PARD3: variants seen among roughly 807,000 people sequenced by gnomAD.
The protein encoded by PARD3 is par-3 family cell polarity regulator.
Under a neutral mutation model 155.4 loss-of-function variants are expected in PARD3, and 75 were observed. The ratio of observed to expected loss-of-function variants is 0.48; its 90% CI spans 0.40 to 0.58. The LOEUF (loss-of-function observed/expected upper bound fraction) is 0.58. Among genes scored for constraint, PARD3 ranks in the 20% least tolerant of loss-of-function variants. The pLI, the probability that PARD3 is intolerant of heterozygous loss-of-function variation, is 0.00. For synonymous variants in PARD3, 576 were observed against 610.5 expected (o/e 0.94, Z 0.83); for missense variants, 1,642 against 1,721.7 (o/e 0.95, Z 0.82).
intron 22 of PARD3, among the ~76,000 whole-genome samples, chr10:34,150,517 G>A (rs999549973): frequency 6.6e-6 from 1 of 152,156 alleles, no homozygotes; most frequent in Non-Finnish European, 1.5e-5. Flanking sequence ...AAAGAAGCCT[G>A]GCTTGCTCAT....
chr10:34,781,718 G>T (rs1272360580), intron 1 of PARD3, among the ~76,000 whole-genome samples: 2 of 152,210 alleles, frequency 1.3e-5, no homozygotes, highest in African/African-American at 4.8e-5. Context: ...GTTTCCAACT[G>T]TAACATGCTC....
intron 1 of PARD3, among the ~76,000 whole-genome samples, chr10:34,735,573 C>G (rs1367188649): frequency 6.6e-6 from 1 of 152,192 alleles, no homozygotes; most frequent in Non-Finnish European, 1.5e-5. Context: ...AGCATTCCAT[C>G]TCCTGGGCTT....
intron 20 of PARD3, among the ~76,000 whole-genome samples, chr10:34,294,829 T>C (rs1956832968): frequency 6.6e-6 from 1 of 152,082 alleles, no homozygotes; most frequent in South Asian, 2.1e-4. Context: ...ACAATGCCCT[T>C]TTGAAGAAAA....
At chr10:34,529,466 A>C (rs532830695) in intron 2 of PARD3, among the ~76,000 whole-genome samples, 2 of 152,320 alleles carry the variant, frequency 1.3e-5, no homozygotes, top group South Asian at 4.1e-4. Context: ...ACACATGTGC[A>C]TTATCACCCC....
rs774055746 is a variant in PARD3, at chr10:34,399,339, C to T, written c.881G>A (p.Arg294Gln). Residue 294 changes from arginine to glutamine, a missense_variant, in exon 7 of 25, where the codon CGA becomes CAA. Physicochemically the swap from Arg to Gln is conservative, Grantham distance 43 (BLOSUM62 1). Coordinates refer to ENST00000374788, the MANE Select transcript of PARD3 (RefSeq NM_001184785.2). The part of the protein sequence containing the change: ...LGIHVVPFSA[R>Q]GGRTLGLLVK... ...CTCCAAGATACGTTACCTGCCGCCTCGAGCACTGAAAGGCACTACGTGGAT... is the reference window on the plus strand; with the variant it reads ...CTCCAAGATACGTTACCTGCCGCCTTGAGCACTGAAAGGCACTACGTGGAT... The T allele has an allele frequency of 1.2e-5, 19 of 1,603,684 alleles. No individual in the cohort carries two copies. The East Asian group carries it at 2.0e-4, about 17-fold the overall frequency.
chr10:34,707,096 A>G (rs879508158), intron 1 of PARD3, among the ~76,000 whole-genome samples: 5 of 151,964 alleles, frequency 3.3e-5, no homozygotes, highest in Non-Finnish European at 7.4e-5. Context: ...AAATACAAAA[A>G]TTAGCCAGGT....
chr10:34,552,322 A>G (rs2084646585), intron 2 of PARD3, among the ~76,000 whole-genome samples: 1 of 152,232 alleles, frequency 6.6e-6, no homozygotes. Flanking sequence ...GGCTGGAGTT[A>G]AACTATGGCC....
intron 9 of PARD3, 62 bp from the exon 10 acceptor site, chr10:34,378,168 T>G (rs1407479089): frequency 7.2e-6 from 9 of 1,242,834 alleles, no homozygotes; most frequent in Non-Finnish European, 1.0e-5. Flanking sequence ...TACAGGTGTA[T>G]TGCACCAGTA....
intron 2 of PARD3, among the ~76,000 whole-genome samples, chr10:34,583,673 CA>C (rs1475371959): frequency 6.6e-6 from 1 of 152,018 alleles, no homozygotes; most frequent in African/African-American, 2.4e-5. Context: ...CCTTATCTTC[CA>C]GAGGTTACTG....
At chr10:34,601,274 A>G (rs1195926169) in intron 2 of PARD3, among the ~76,000 whole-genome samples, 1 of 151,452 alleles carries the variant, frequency 6.6e-6, no homozygotes, top group Non-Finnish European at 1.5e-5. Flanking sequence ...CAAAGAAAAA[A>G]AAAAAAAAAA....
chr10:34,212,380 TCTAGCCCGACCCCTGACAGCAATGTCTG>T (rs1951794851), intron 22 of PARD3, among the ~76,000 whole-genome samples: 1 of 152,338 alleles, frequency 6.6e-6, no homozygotes, highest in African/African-American at 2.4e-5. Flanking sequence ...TTCTCATCTT[TCTAGCCCGACCCCTGACAGCAATGTCTG>T]CTAGCTCAAA....
intron 1 of PARD3, among the ~76,000 whole-genome samples, chr10:34,767,928 A>G (rs1245959500): frequency 6.6e-6 from 1 of 152,130 alleles, no homozygotes; most frequent in African/African-American, 2.4e-5. Context: ...TCTCAAAAAA[A>G]AAAGAGATTT....
chr10:34,287,028 G>A (rs1017675589), intron 20 of PARD3, among the ~76,000 whole-genome samples: 1 of 152,122 alleles, frequency 6.6e-6, no homozygotes, highest in Non-Finnish European at 1.5e-5. Flanking sequence ...GATATACAGG[G>A]CCAGGGAAGG....
At chr10:34,665,665 C>CTACTAAATA in intron 2 of PARD3, among the ~76,000 whole-genome samples, 1 of 152,132 alleles carries the variant, frequency 6.6e-6, no homozygotes, top group African/African-American at 2.4e-5. Flanking sequence ...TGGTGAAACC[C>CTACTAAATA]CACCTCTACT....
At chr10:34,551,146 A>G (rs1193126055) in intron 2 of PARD3, among the ~76,000 whole-genome samples, 1 of 152,188 alleles carries the variant, frequency 6.6e-6, no homozygotes, top group Non-Finnish European at 1.5e-5. Flanking sequence ...TTGCTTGGCT[A>G]TGCATAGTTG....
rs191937732 is a variant in PARD3 at position 34,171,308 on chromosome 10, T to G, written c.3420-39725A>C. Among the ~76,000 whole-genome samples, 179 of 152,318 alleles carry G rather than the reference T, an allele frequency of 1.2e-3. 1 individual carries two copies. The highest frequency in any genetic ancestry group is 4.2e-3 in the African/African-American group (174 of 41,578). ...GATAATCGAGGTTGCCTTTTTCAGTTCATCACACATAGAGAGAGGCTTTTG... is the reference window on the plus strand; with the variant it reads ...GATAATCGAGGTTGCCTTTTTCAGTGCATCACACATAGAGAGAGGCTTTTG... On this transcript the variant is annotated intron_variant, in intron 22 of 24. Coordinates refer to ENST00000374788, the MANE Select transcript of PARD3 (RefSeq NM_001184785.2).
At chr10:34,187,202 C>G (rs1040259441) in intron 22 of PARD3, among the ~76,000 whole-genome samples, 1 of 152,146 alleles carries the variant, frequency 6.6e-6, no homozygotes, top group Non-Finnish European at 1.5e-5. Flanking sequence ...AATGCCTTCA[C>G]GTTTTACCAT....
chr10:34,412,164 T>A (rs1034061509), intron 5 of PARD3, among the ~76,000 whole-genome samples: 1 of 152,050 alleles, frequency 6.6e-6, no homozygotes, highest in East Asian at 1.9e-4. Context: ...GGTCTCAGTA[T>A]GCTGCCCATT....
intron 3 of PARD3, among the ~76,000 whole-genome samples, chr10:34,504,234 G>A (rs981632798): frequency 1.3e-5 from 2 of 151,766 alleles, no homozygotes; most frequent in African/African-American, 4.8e-5. Flanking sequence ...GTTCAAACGA[G>A]CCACTTGCCT....
Sources: gnomAD v4.1 joint callset for allele counts (sites outside exome capture counted in the v4.1 genomes callset) on GRCh38, gnomAD v4.1.1 for gene constraint, MANE v1.5 for transcripts, NCBI Gene and HGNC (gene_info 2026-07-23, HGNC 2026-07-21) for gene names.